CNTNAP2: variants seen among roughly 807,000 people sequenced by gnomAD.
CNTNAP2 encodes contactin-associated protein-like 2.
Under a neutral mutation model 155.2 loss-of-function variants are expected in CNTNAP2, and 98 were observed. The observed-to-expected ratio is 0.63, with a 90% CI of 0.54 to 0.75. The LOEUF (loss-of-function observed/expected upper bound fraction) is 0.75. CNTNAP2 is among the 30% of genes least tolerant of loss of function. The pLI, the probability that CNTNAP2 is intolerant of heterozygous loss-of-function variation, is 0.00. For missense variants in CNTNAP2, 1,727 were observed against 1,688.1 expected, an observed-to-expected ratio of 1.02 and a Z score of -0.40; for synonymous variants, 651 against 631.2, an observed-to-expected ratio of 1.03 and a Z score of -0.47.
chr7:147,274,360 A>G (rs190059678), intron 8 of CNTNAP2, among the ~76,000 whole-genome samples: 3 of 152,272 alleles, frequency 2.0e-5, no homozygotes, highest in African/African-American at 7.2e-5. Flanking sequence ...CTTGTATAAG[A>G]TGATCATCAT....
intron 16 of CNTNAP2, among the ~76,000 whole-genome samples, chr7:148,141,926 A>G (rs952654203): frequency 7.9e-5 from 12 of 152,224 alleles, no homozygotes; most frequent in African/African-American, 1.2e-4. Flanking sequence ...TGGTGGAATT[A>G]GAGGAAGACT....
At chr7:147,256,443 G>T (rs1223319445) in intron 8 of CNTNAP2, among the ~76,000 whole-genome samples, 2 of 152,132 alleles carry the variant, frequency 1.3e-5, no homozygotes, top group Non-Finnish European at 2.9e-5. Flanking sequence ...GTGTAAAAAT[G>T]GCATGATAAG....
chr7:148,123,321 G>C (rs78306684), intron 16 of CNTNAP2, among the ~76,000 whole-genome samples: 2,438 of 152,212 alleles, frequency 0.016, 70 homozygotes, highest in African/African-American at 0.055. Context: ...GTAGCAGTAG[G>C]TCACACCTGT....
At chr7:146,651,639 A>G (rs1015623172) in intron 1 of CNTNAP2, among the ~76,000 whole-genome samples, 2 of 152,178 alleles carry the variant, frequency 1.3e-5, no homozygotes, top group South Asian at 2.1e-4. Flanking sequence ...TTATCTGTAT[A>G]GTACACCAAG....
At chr7:147,982,476 C>T (rs1364367153) in intron 15 of CNTNAP2, among the ~76,000 whole-genome samples, 4 of 152,086 alleles carry the variant, frequency 2.6e-5, no homozygotes, top group Non-Finnish European at 4.4e-5. Flanking sequence ...CTCAGAGCTA[C>T]GGAGGTGACC....
At chr7:146,929,584 A>G (rs541556221) in intron 3 of CNTNAP2, among the ~76,000 whole-genome samples, 97 of 152,322 alleles carry the variant, frequency 6.4e-4, no homozygotes, top group Non-Finnish European at 9.4e-4. Flanking sequence ...ACAAAGCTGG[A>G]CGGAGAATGA....
At chr7:147,947,485 G>A (rs1373665721) in intron 14 of CNTNAP2, among the ~76,000 whole-genome samples, 1 of 150,526 alleles carries the variant, frequency 6.6e-6, no homozygotes, top group Non-Finnish European at 1.5e-5. Flanking sequence ...AAAATTAGTT[G>A]GGCATTGTAG....
intron 1 of CNTNAP2, among the ~76,000 whole-genome samples, chr7:146,443,258 A>G (rs770590799): frequency 1.1e-4 from 17 of 149,340 alleles, no homozygotes; most frequent in Non-Finnish European, 1.9e-4. Flanking sequence ...ATAAATAAAT[A>G]GATAAATAAA....
chr7:147,813,909 G>A (rs1798220480), intron 13 of CNTNAP2, among the ~76,000 whole-genome samples: 1 of 152,176 alleles, frequency 6.6e-6, no homozygotes, highest in East Asian at 1.9e-4. Flanking sequence ...CCTTTGTGAT[G>A]TAAATTGTTT....
chr7:146,800,642 T>G (rs892059329), intron 2 of CNTNAP2, among the ~76,000 whole-genome samples: 1 of 152,124 alleles, frequency 6.6e-6, no homozygotes, highest in Non-Finnish European at 1.5e-5. Flanking sequence ...GCGCCACAAA[T>G]AAGAACTTAT....
At chr7:146,253,319 A>T (rs113910493) in intron 1 of CNTNAP2, among the ~76,000 whole-genome samples, 6,333 of 152,118 alleles carry the variant, frequency 0.042, 401 homozygotes, top group African/African-American at 0.14. Flanking sequence ...TCTTCTAATG[A>T]CTCTTCTAGA....
intron 8 of CNTNAP2, among the ~76,000 whole-genome samples, chr7:147,280,567 C>A (rs1805012960): frequency 6.6e-6 from 1 of 151,716 alleles, no homozygotes; most frequent in Non-Finnish European, 1.5e-5. Context: ...TTTTAAAAGC[C>A]ACACAAAGTT....
chr7:146,948,948 G>A (rs1000775077), intron 3 of CNTNAP2, among the ~76,000 whole-genome samples: 3 of 152,140 alleles, frequency 2.0e-5, no homozygotes, highest in African/African-American at 7.2e-5. Context: ...AGGCTTTAGG[G>A]GAAGTGTGAT....
intron 20 of CNTNAP2, among the ~76,000 whole-genome samples, chr7:148,238,757 C>T (rs2116794667): frequency 6.6e-6 from 1 of 152,324 alleles, no homozygotes; most frequent in East Asian, 1.9e-4. Context: ...AACCTCTTGT[C>T]TGTCCATTTT....
At chr7:147,901,143 C>A (rs769914858) in intron 13 of CNTNAP2, among the ~76,000 whole-genome samples, 3 of 152,140 alleles carry the variant, frequency 2.0e-5, no homozygotes, top group Non-Finnish European at 2.9e-5. Context: ...AACTCCTGAA[C>A]CTTTTTTGTG....
intron 3 of CNTNAP2, among the ~76,000 whole-genome samples, chr7:146,893,487 G>GGAGAGAGAGAGA (rs61652967): frequency 4.7e-5 from 7 of 150,054 alleles, no homozygotes; most frequent in Admixed American, 1.3e-4. Context: ...ATATATATAT[G>GGAGAGAGAGAGA]GAGAGAGAGA....
intron 13 of CNTNAP2, among the ~76,000 whole-genome samples, chr7:147,807,970 T>A (rs1180913165): frequency 6.6e-6 from 1 of 152,008 alleles, no homozygotes; most frequent in Non-Finnish European, 1.5e-5. Context: ...TTTAGTGATA[T>A]GTTCACTTTC....
At chr7:147,334,446 A>T (rs1329922164) in intron 9 of CNTNAP2, among the ~76,000 whole-genome samples, 1 of 152,176 alleles carries the variant, frequency 6.6e-6, no homozygotes, top group Non-Finnish European at 1.5e-5. Context: ...TCTTATTATC[A>T]TCTCTAATAA....
chr7:146,698,726 TTCTC>T (rs1404846938), intron 1 of CNTNAP2, among the ~76,000 whole-genome samples: 1 of 151,988 alleles, frequency 6.6e-6, no homozygotes, highest in Non-Finnish European at 1.5e-5. Context: ...CTCTCTCTCT[TTCTC>T]TCTCTCCTCC....
Sources: allele counts gnomAD v4.1 joint callset (sites outside exome capture counted in the v4.1 genomes callset), GRCh38; gene constraint gnomAD v4.1.1; transcripts MANE v1.5; gene names NCBI Gene and HGNC (gene_info 2026-07-23, HGNC 2026-07-21).